The following DIAPH2 variants were observed in gnomAD, a reference collection of about 807,000 sequenced individuals.
The protein encoded by DIAPH2 is diaphanous related formin 2, also known as protein diaphanous homolog 2.
In DIAPH2, 35 loss-of-function variants were observed where a neutral mutation model predicts 92.7. The observed-to-expected ratio is 0.38, with a 90% CI of 0.29 to 0.50. The LOEUF (loss-of-function observed/expected upper bound fraction) is 0.50, where lower values mean the gene tolerates loss of function less well. DIAPH2 is among the 20% of genes least tolerant of loss of function. DIAPH2 has a pLI of 0.94. For synonymous variants in DIAPH2, 301 were observed against 280.4 expected, an observed-to-expected ratio of 1.07 and a Z score of -0.73; for missense variants, 701 against 819.5, an observed-to-expected ratio of 0.86 and a Z score of 1.77.
intron 20 of DIAPH2, among the ~76,000 whole-genome samples, chrX:97,109,126 C>G (rs188466160): frequency 7.2e-5 from 8 of 111,423 alleles, no homozygotes; most frequent in Non-Finnish European, 1.5e-4. Context: ...GGTCATACAA[C>G]TAGAAAGTGA....
chrX:97,086,621 C>G (rs942277379), intron 19 of DIAPH2, among the ~76,000 whole-genome samples: 2 of 111,377 alleles, frequency 1.8e-5, no homozygotes, highest in Non-Finnish European at 3.8e-5. Context: ...ATACATATAT[C>G]AAAACATCAT....
At chrX:97,001,840 T>C (rs748669920) in intron 17 of DIAPH2, among the ~76,000 whole-genome samples, 1 of 111,582 alleles carries the variant, frequency 9.0e-6, no homozygotes, top group Non-Finnish European at 1.9e-5. Flanking sequence ...TCCACTTTGC[T>C]TGACAAAGGT....
At chrX:97,186,534 G>T (rs2067606076) in intron 22 of DIAPH2, among the ~76,000 whole-genome samples, 2 of 111,892 alleles carry the variant, frequency 1.8e-5, no homozygotes, top group African/African-American at 6.5e-5. Flanking sequence ...TTTGGCATCA[G>T]TTATTTTACA....
At chrX:97,128,309 C>A (rs2067107648) in intron 21 of DIAPH2, among the ~76,000 whole-genome samples, 1 of 110,702 alleles carries the variant, frequency 9.0e-6, no homozygotes, top group Non-Finnish European at 1.9e-5. Flanking sequence ...GGGAGTGTAG[C>A]AGTGAGGACA....
intron 22 of DIAPH2, among the ~76,000 whole-genome samples, chrX:97,194,344 T>C (rs61703848): frequency 0.43 from 44,532 of 104,444 alleles, 8,859 homozygotes; most frequent in Non-Finnish European, 0.59. Flanking sequence ...TGCAGTGGCG[T>C]GATCTTGGCT....
chrX:97,255,331 A>G (rs1331367730), intron 23 of DIAPH2, among the ~76,000 whole-genome samples: 1 of 111,986 alleles, frequency 8.9e-6, no homozygotes, highest in Non-Finnish European at 1.9e-5. Context: ...TCTCCTCCAG[A>G]AAGCCTTCCC....
intron 26 of DIAPH2, among the ~76,000 whole-genome samples, chrX:97,451,402 CTG>C (rs1467199591): frequency 1.8e-5 from 2 of 111,424 alleles, no homozygotes; most frequent in African/African-American, 6.5e-5. Flanking sequence ...AACCACAAGA[CTG>C]TTGTTATATT....
intron 17 of DIAPH2, among the ~76,000 whole-genome samples, chrX:96,969,965 G>T (rs756242948): frequency 8.9e-6 from 1 of 111,847 alleles, no homozygotes; most frequent in Non-Finnish European, 1.9e-5. Context: ...CTTTTTCCAT[G>T]TCTATGGAGA....
intron 26 of DIAPH2, among the ~76,000 whole-genome samples, chrX:97,524,814 C>G (rs976641121): frequency 2.7e-5 from 3 of 112,075 alleles, no homozygotes; most frequent in African/African-American, 9.7e-5. Flanking sequence ...ACACAAGAAT[C>G]TTTCTGTGTG....
intron 3 of DIAPH2, among the ~76,000 whole-genome samples, chrX:96,739,493 A>C (rs1332535448): frequency 9.0e-6 from 1 of 111,543 alleles, no homozygotes; most frequent in Admixed American, 9.5e-5. Context: ...TGTCCACAGG[A>C]GTTTCAAAGG....
intron 23 of DIAPH2, among the ~76,000 whole-genome samples, chrX:97,292,943 A>G (rs1220374127): frequency 9.0e-6 from 1 of 111,592 alleles, no homozygotes; most frequent in Non-Finnish European, 1.9e-5. Context: ...CAGTGTTTAA[A>G]TGGCTGAGCA....
In DIAPH2 at chrX:96,927,189, G is replaced by A. The variant is rs774703535; in HGVS notation, c.979-3544G>A. On this transcript the variant is annotated intron_variant, in intron 9 of 26. Coordinates refer to ENST00000324765, the MANE Select transcript of DIAPH2 (RefSeq NM_006729.5). ...ATCATCCAATCTTTCTAGGTTTTCA[G>A]TTTCTTTACTTTTAAATAGCATATT... Among the ~76,000 whole-genome samples, 5 of 109,198 alleles carry A rather than the reference G, an allele frequency of 4.6e-5. No homozygotes were observed. The South Asian group carries it at 1.9e-3, about 42-fold the overall frequency. The allele number at this position is 109,198 out of a possible 115,157, so 94.8% of individuals were successfully genotyped here.
At chrX:97,400,615 G>T (rs1012251957) in intron 25 of DIAPH2, among the ~76,000 whole-genome samples, 1 of 111,259 alleles carries the variant, frequency 9.0e-6, no homozygotes, top group African/African-American at 3.3e-5. Flanking sequence ...TGTACAATCA[G>T]TCTCCAGAAC....
At chrX:97,055,995 A>T (rs1440608949) in intron 17 of DIAPH2, among the ~76,000 whole-genome samples, 2 of 111,803 alleles carry the variant, frequency 1.8e-5, no homozygotes, top group East Asian at 5.6e-4. Flanking sequence ...TTCTAGGAAG[A>T]ACACTTCATG....
At chrX:96,735,737 G>A (rs771769633) in intron 1 of DIAPH2, 21 bp from the exon 2 acceptor site, 2 of 994,781 alleles carry the variant, frequency 2.0e-6, no homozygotes, top group African/African-American at 2.0e-5. Flanking sequence ...TTTTTTGTTT[G>A]TTTCTTTTTG....
chrX:96,876,375 A>G (rs1244616090), intron 4 of DIAPH2, among the ~76,000 whole-genome samples: 1 of 112,015 alleles, frequency 8.9e-6, no homozygotes, highest in Non-Finnish European at 1.9e-5. Flanking sequence ...ATCTAGAACT[A>G]GAAATACCAT....
chrX:97,128,804 G>T (rs1006759652), intron 21 of DIAPH2, among the ~76,000 whole-genome samples: 1 of 112,197 alleles, frequency 8.9e-6, no homozygotes, highest in African/African-American at 3.2e-5. Flanking sequence ...TGTGTTGTTA[G>T]TGACTTTTTT....
At chrX:97,064,513 C>A (rs12007232) in intron 17 of DIAPH2, among the ~76,000 whole-genome samples, 9,208 of 110,067 alleles carry the variant, frequency 0.084, 415 homozygotes, top group Non-Finnish European at 0.12. Context: ...ACCCCACCCC[C>A]CTCAACACCA....
At chrX:97,120,423 G>A (rs1024165272) in intron 21 of DIAPH2, among the ~76,000 whole-genome samples, 1 of 109,915 alleles carries the variant, frequency 9.1e-6, no homozygotes, top group African/African-American at 3.3e-5. Context: ...TTCCTTCAGA[G>A]GGTCTGTGGG....
Sources: gnomAD v4.1 joint callset for allele counts (sites outside exome capture counted in the v4.1 genomes callset) on GRCh38, gnomAD v4.1.1 for gene constraint, MANE v1.5 for transcripts, NCBI Gene and HGNC (gene_info 2026-07-23, HGNC 2026-07-21) for gene names.